The following MYRIP variants were observed in gnomAD, a reference collection of about 807,000 sequenced individuals.
MYRIP encodes rab effector MyRIP.
Under a neutral mutation model 98.0 loss-of-function variants are expected in MYRIP, and 49 were observed. That is an observed-to-expected ratio of 0.50 (90% CI 0.40 to 0.63). The LOEUF (loss-of-function observed/expected upper bound fraction) is 0.63, where lower values mean the gene tolerates loss of function less well. Among genes scored for constraint, MYRIP ranks in the 30% least tolerant of loss-of-function variants. The pLI is 0.00. For synonymous variants in MYRIP, 404 were observed against 409.5 expected (o/e 0.99, Z 0.16); for missense variants, 1,004 against 1,058.2 (o/e 0.95, Z 0.71).
chr3:39,971,750 T>A (rs1408753388), intron 2 of MYRIP, among the ~76,000 whole-genome samples: 2 of 152,102 alleles, frequency 1.3e-5, no homozygotes, highest in Non-Finnish European at 2.9e-5. Context: ...CTTTAGATGA[T>A]TTTGAATTAA....
At chr3:40,115,102 C>T (rs1949243577) in intron 3 of MYRIP, among the ~76,000 whole-genome samples, 1 of 151,830 alleles carries the variant, frequency 6.6e-6, no homozygotes, top group South Asian at 2.1e-4. Flanking sequence ...TATGAAATAT[C>T]AATATGATAA....
intron 12 of MYRIP, among the ~76,000 whole-genome samples, 187 bp downstream of exon 12, chr3:40,234,240 T>C (rs1952755821): frequency 6.6e-6 from 1 of 152,124 alleles, no homozygotes; most frequent in Non-Finnish European, 1.5e-5. Flanking sequence ...AGATGAGGAT[T>C]TGTGTGCATG....
chr3:40,013,122 T>C (rs1559560584), intron 2 of MYRIP, among the ~76,000 whole-genome samples: 1 of 152,230 alleles, frequency 6.6e-6, no homozygotes, highest in Non-Finnish European at 1.5e-5. Context: ...AGCTTCTCTC[T>C]GGTTACCCCA....
chr3:40,252,840 A>G (rs1364812494), intron 16 of MYRIP, among the ~76,000 whole-genome samples: 1 of 152,202 alleles, frequency 6.6e-6, no homozygotes, highest in Non-Finnish European at 1.5e-5. Flanking sequence ...AAAGAGGGAC[A>G]GCTCTTTAGA....
chr3:40,098,578 A>C (rs1391437149), intron 3 of MYRIP, among the ~76,000 whole-genome samples: 1 of 152,216 alleles, frequency 6.6e-6, no homozygotes, highest in Non-Finnish European at 1.5e-5. Flanking sequence ...TCATCCATGC[A>C]TACTCACAGA....
At chr3:39,953,790 G>T (rs1287508866) in intron 2 of MYRIP, among the ~76,000 whole-genome samples, 4 of 152,180 alleles carry the variant, frequency 2.6e-5, no homozygotes, top group Non-Finnish European at 2.9e-5. Context: ...AGCCGTGACA[G>T]ATGGTACCTG....
intron 2 of MYRIP, among the ~76,000 whole-genome samples, chr3:39,920,172 G>A (rs1240145754): frequency 2.0e-5 from 3 of 152,104 alleles, no homozygotes; most frequent in Non-Finnish European, 2.9e-5. Context: ...ATGCTCATAA[G>A]AACCTGAGAT....
chr3:40,009,740 C>T (rs1946716737), intron 2 of MYRIP, among the ~76,000 whole-genome samples: 1 of 152,174 alleles, frequency 6.6e-6, no homozygotes, highest in Non-Finnish European at 1.5e-5. Flanking sequence ...TAAATGGTCA[C>T]TCTGATGCTA....
At chr3:40,176,551 A>G (rs1452083373) in intron 8 of MYRIP, among the ~76,000 whole-genome samples, 1 of 152,114 alleles carries the variant, frequency 6.6e-6, no homozygotes, top group Non-Finnish European at 1.5e-5. Context: ...GAAATTCGAG[A>G]CCAGCCTAGG....
chr3:40,094,126 G>A (rs1237820126), intron 3 of MYRIP, among the ~76,000 whole-genome samples: 5 of 152,080 alleles, frequency 3.3e-5, no homozygotes, highest in Non-Finnish European at 7.4e-5. Context: ...ATCACAGACT[G>A]CTATCCAGTG....
intron 2 of MYRIP, among the ~76,000 whole-genome samples, chr3:39,995,929 A>AC (rs1946340148): frequency 6.6e-6 from 1 of 152,204 alleles, no homozygotes; most frequent in Admixed American, 6.5e-5. Context: ...ATCCAGCCAA[A>AC]CTAAGCTTCA....
chr3:40,157,781 G>A (rs7623339), intron 4 of MYRIP, among the ~76,000 whole-genome samples: 139,736 of 145,192 alleles, frequency 0.96, 67,460 homozygotes, highest in East Asian at 1. Context: ...GTTTATTTGC[G>A]TAGAGGTGTT....
intron 2 of MYRIP, among the ~76,000 whole-genome samples, chr3:39,981,019 T>C (rs1402475941): frequency 6.6e-6 from 1 of 152,170 alleles, no homozygotes; most frequent in Non-Finnish European, 1.5e-5. Context: ...GAACTATACA[T>C]TTAAAAACAG....
intron 3 of MYRIP, among the ~76,000 whole-genome samples, chr3:40,070,647 C>T (rs763905611): frequency 4.6e-5 from 7 of 152,032 alleles, no homozygotes; most frequent in East Asian, 3.9e-4. Flanking sequence ...ATTGTGTGTG[C>T]GAGGGATCTA....
At chr3:39,875,722 C>G (rs1235676166) in intron 1 of MYRIP, among the ~76,000 whole-genome samples, 1 of 151,078 alleles carries the variant, frequency 6.6e-6, no homozygotes, top group African/African-American at 2.4e-5. Context: ...GTTATAATTT[C>G]TGTTCTTTTA....
At position 40,162,976 on chromosome 3, in the gene MYRIP, T is replaced by A. The variant is rs1575588430; in HGVS notation, c.550+166T>A. Reference sequence around the variant, plus strand: ...CACTTATTATTGCCAATTGTATGAATCCATCATCAAAATAGGTGAGTATAT... The same window carrying A: ...CACTTATTATTGCCAATTGTATGAAACCATCATCAAAATAGGTGAGTATAT... On this transcript the variant is annotated intron_variant, in intron 5 of 16. Coordinates refer to ENST00000302541, the MANE Select transcript of MYRIP (RefSeq NM_015460.4). 6.8e-6 allele frequency: 4 copies of A among 585,850 alleles called. No individual in the cohort carries two copies. In the East Asian group the frequency reaches 1.2e-4, roughly 17 times the overall value. The allele number at this position is 585,850 out of a possible 1,614,324, so 36.3% of individuals were successfully genotyped here.
At chr3:39,870,281 T>C (rs554881801) in intron 1 of MYRIP, among the ~76,000 whole-genome samples, 3 of 152,200 alleles carry the variant, frequency 2.0e-5, no homozygotes, top group Non-Finnish European at 4.4e-5. Context: ...TGACACAGAC[T>C]GAATAATGTG....
intron 8 of MYRIP, among the ~76,000 whole-genome samples, chr3:40,177,352 T>A (rs1950788985): frequency 6.6e-6 from 1 of 152,170 alleles, no homozygotes; most frequent in Non-Finnish European, 1.5e-5. Flanking sequence ...TATCATTATA[T>A]CCTGAGACAG....
intron 2 of MYRIP, among the ~76,000 whole-genome samples, chr3:40,035,320 A>T (rs538878213): frequency 6.4e-4 from 98 of 152,206 alleles, no homozygotes; most frequent in Non-Finnish European, 1.1e-3. Context: ...AAATTGTATA[A>T]GTCACGTAGT....
Sources: allele counts gnomAD v4.1 joint callset (sites outside exome capture counted in the v4.1 genomes callset), GRCh38; gene constraint gnomAD v4.1.1; transcripts MANE v1.5; gene names NCBI Gene and HGNC (gene_info 2026-07-23, HGNC 2026-07-21).